CRPPA: variants seen among roughly 807,000 people sequenced by gnomAD.
The protein encoded by CRPPA is D-ribitol-5-phosphate cytidylyltransferase.
A neutral mutation model predicts 52.0 loss-of-function variants in CRPPA; 43 were observed. The observed-to-expected ratio is 0.83, with a 90% CI of 0.65 to 1.07. The LOEUF (loss-of-function observed/expected upper bound fraction) is 1.07, where lower values mean the gene tolerates loss of function less well. Ranked by LOEUF, CRPPA falls within the 50% of genes least tolerant of loss-of-function variation. The probability of loss-of-function intolerance (pLI) is 0.00; values close to 1 mark genes in which losing one functional copy is unlikely to be tolerated. For synonymous variants in CRPPA, 250 were observed against 203.5 expected, an observed-to-expected ratio of 1.23 and a Z score of -1.94; for missense variants, 629 against 551.7, an observed-to-expected ratio of 1.14 and a Z score of -1.40.
intron 1 of CRPPA, among the ~76,000 whole-genome samples, chr7:16,414,012 G>GTCTAGAATACTTTTTAA (rs1788130412): frequency 1.3e-5 from 2 of 152,132 alleles, no homozygotes; most frequent in East Asian, 3.9e-4. Flanking sequence ...CTATCATAAG[G>GTCTAGAATACTTTTTAA]TCTAGAATAC....
intron 9 of CRPPA, among the ~76,000 whole-genome samples, chr7:16,208,580 T>A (rs1261081857): frequency 1.3e-5 from 2 of 152,186 alleles, no homozygotes; most frequent in African/African-American, 4.8e-5. Context: ...TGAGAGAGCA[T>A]GGCAGGCGGG....
chr7:16,188,616 T>C (rs1781550231), intron 9 of CRPPA, among the ~76,000 whole-genome samples: 1 of 152,098 alleles, frequency 6.6e-6, no homozygotes, highest in Non-Finnish European at 1.5e-5. Context: ...TATAAAATAA[T>C]AATTCCCCAA....
chr7:16,305,826 G>A (rs7787690), intron 4 of CRPPA, among the ~76,000 whole-genome samples: 4,126 of 152,258 alleles, frequency 0.027, 182 homozygotes, highest in African/African-American at 0.094. Flanking sequence ...AGGTTGCAGT[G>A]AGCCAAGATT....
intron 6 of CRPPA, among the ~76,000 whole-genome samples, chr7:16,265,548 G>C (rs929738626): frequency 6.6e-6 from 1 of 152,192 alleles, no homozygotes; most frequent in Non-Finnish European, 1.5e-5. Flanking sequence ...GAAGTCTAAT[G>C]TGTGTACTGT....
At chr7:16,187,662 C>T (rs1046755829) in intron 9 of CRPPA, among the ~76,000 whole-genome samples, 5 of 152,068 alleles carry the variant, frequency 3.3e-5, no homozygotes, top group Non-Finnish European at 5.9e-5. Flanking sequence ...AGAAAAACAT[C>T]GAAGGCTTCA....
intron 9 of CRPPA, among the ~76,000 whole-genome samples, chr7:16,155,123 A>G (rs1783152834): frequency 6.6e-6 from 1 of 152,000 alleles, no homozygotes; most frequent in East Asian, 1.9e-4. Context: ...CCAGGCCTCA[A>G]AATGAGTCCT....
chr7:16,341,656 A>G lies in CRPPA; in HGVS notation c.685-33029T>C, dbSNP rs191194140. On this transcript the variant is annotated intron_variant, in intron 3 of 9. Transcript: ENST00000407010. ...GCTAGGTTAAACAAATTTCAAGTTT[A>G]TTTTAGGGACTTTAATTAATAACGT... Among the ~76,000 whole-genome samples the G allele has an allele frequency of 5.2e-4, 79 of 151,796 alleles. 1 individual carries two copies. Among genetic ancestry groups the G allele is most frequent in the African/African-American group, 1.8e-3 (75 of 41,080 alleles).
chr7:16,116,434 G>A (rs1782371470), intron 9 of CRPPA, among the ~76,000 whole-genome samples: 1 of 152,122 alleles, frequency 6.6e-6, no homozygotes, highest in African/African-American at 2.4e-5. Flanking sequence ...GGAGGCCTAG[G>A]CAGGTGGATC....
chr7:16,389,928 A>AAAAAAAAAAAAAAAAAT, intron 2 of CRPPA, among the ~76,000 whole-genome samples: 9 of 29,758 alleles, frequency 3.0e-4, no homozygotes, highest in African/African-American at 5.2e-4. Flanking sequence ...AAAAAAAAAA[A>AAAAAAAAAAAAAAAAAT]ATATATATAT....
intron 9 of CRPPA, among the ~76,000 whole-genome samples, chr7:16,126,845 T>C (rs1033504587): frequency 6.6e-6 from 1 of 152,102 alleles, no homozygotes; most frequent in Non-Finnish European, 1.5e-5. Context: ...GAAAGGAACA[T>C]CAGAGTTTTG....
Position 16,292,856 on chromosome 7 carries a change from A to C in CRPPA, c.835+8565T>G, listed in dbSNP as rs1784590663. ...CAATCAGTAACACAAGTATCTTTAA[A>C]AAATTCCTTACTTTCCTTGAACATT... On this transcript the variant is annotated intron_variant, in intron 5 of 9. Transcript: ENST00000407010. Among the ~76,000 whole-genome samples the C allele has an allele frequency of 2.0e-5, 3 of 151,998 alleles. No homozygotes were observed. In the East Asian group the frequency reaches 5.8e-4, roughly 29 times the overall value.
chr7:16,418,546 A>G (rs1305099406), intron 1 of CRPPA, among the ~76,000 whole-genome samples: 3 of 152,180 alleles, frequency 2.0e-5, no homozygotes, highest in Non-Finnish European at 2.9e-5. Context: ...ACTTACAAGC[A>G]TGGTGGAAGG....
rs1447418105 is a variant in CRPPA, at chr7:16,329,363, T to C, written c.685-20736A>G. ...AAATTACATTCCAGAAATATCAAAA[T>C]AGATTCTTATTAAAATTGTAAGTGA... is the stretch of plus-strand genomic sequence containing the variant. On this transcript the variant is annotated intron_variant, in intron 3 of 9. Transcript: ENST00000407010. Among the ~76,000 whole-genome samples, 3 of 143,336 alleles carry C rather than the reference T, an allele frequency of 2.1e-5. No individual in the cohort carries two copies. In the East Asian group the frequency reaches 6.0e-4, roughly 29 times the overall value. 94.0% of individuals were successfully genotyped at this position (143,336 alleles called of 152,430 possible).
chr7:16,146,430 T>C lies in CRPPA; in HGVS notation c.1252-54631A>G, dbSNP rs1782975967. Among the ~76,000 whole-genome samples the C allele has an allele frequency of 2.0e-5, 3 of 151,920 alleles. No homozygotes were observed. In the South Asian group the frequency reaches 6.2e-4, roughly 32 times the overall value. On this transcript the variant is annotated intron_variant, in intron 9 of 9. Transcript: ENST00000407010. ...CACTAGTTAGCAAGATAAAAACAAA[T>C]GAAAGTATAAAACTCACTGGTAAAG...
At chr7:16,110,169 A>G (rs989131216) in intron 9 of CRPPA, among the ~76,000 whole-genome samples, 2 of 152,116 alleles carry the variant, frequency 1.3e-5, no homozygotes, top group African/African-American at 4.8e-5. Context: ...AATCAAGAGG[A>G]CAGTCACATT....
At chr7:16,373,577 G>C (rs1363609682) in intron 3 of CRPPA, among the ~76,000 whole-genome samples, 5 of 152,166 alleles carry the variant, frequency 3.3e-5, no homozygotes, top group Admixed American at 3.3e-4. Flanking sequence ...TCTGATGCTG[G>C]GGAGAGATGA....
chr7:16,256,775 C>G (rs893856430), intron 8 of CRPPA, among the ~76,000 whole-genome samples: 2 of 151,808 alleles, frequency 1.3e-5, no homozygotes, highest in Non-Finnish European at 2.9e-5. Flanking sequence ...GAGTGGGGGG[C>G]TGGGAGAGGG....
chr7:16,114,672 AT>A (rs758644813), intron 9 of CRPPA, among the ~76,000 whole-genome samples: 3 of 152,090 alleles, frequency 2.0e-5, no homozygotes, highest in Non-Finnish European at 4.4e-5. Context: ...GGGAGAAGAA[AT>A]ATTTGGCAAC....
At chr7:16,108,084 C>G (rs1782192757) in intron 9 of CRPPA, among the ~76,000 whole-genome samples, 2 of 151,900 alleles carry the variant, frequency 1.3e-5, no homozygotes, top group Admixed American at 6.6e-5. Flanking sequence ...AATACAGTAT[C>G]TACAAAATAA....
Sources: allele counts gnomAD v4.1 joint callset (sites outside exome capture counted in the v4.1 genomes callset), GRCh38; gene constraint gnomAD v4.1.1; transcripts MANE v1.5; gene names NCBI Gene and HGNC (gene_info 2026-07-23, HGNC 2026-07-21).